LRATD1: variants seen among roughly 807,000 people sequenced by gnomAD.
LRATD1 encodes LRAT domain containing 1, also known as protein LRATD1.
Under a neutral mutation model 21.3 loss-of-function variants are expected in LRATD1, and 8 were observed. The observed-to-expected ratio is 0.38, with a 90% confidence interval of 0.22 to 0.68. The LOEUF is 0.68. Among genes scored for constraint, LRATD1 ranks in the 30% least tolerant of loss-of-function variants. The pLI is 0.54. For missense variants in LRATD1, 380 were observed against 404.0 expected (o/e 0.94, Z 0.51); for synonymous variants, 210 against 186.2 (o/e 1.13, Z -1.04).
intron 4 of LRATD1, chr2:14,649,273 C>T (rs567767953): frequency 2.2e-6 from 1 of 456,436 alleles, no homozygotes; most frequent in Admixed American, 2.4e-5. Flanking sequence ...TTCATTGGCA[C>T]TTTTATTAAA....
At chr2:14,632,988 T>C (rs1671587134) in intron 1 of LRATD1, 51 bp downstream of exon 1, 1 of 152,484 alleles carries the variant, frequency 6.6e-6, no homozygotes, top group Admixed American at 6.5e-5. Flanking sequence ...CTTCATCCGA[T>C]TGTTTGGATC....
chr2:14,633,838 C>G lies in LRATD1; in HGVS notation c.-36-106C>G, dbSNP rs1013238497. 3 of 1,144,850 alleles carry G rather than the reference C, an allele frequency of 2.6e-6. No individual in the cohort carries two copies. Among genetic ancestry groups the G allele is most frequent in the Middle Eastern group, 3.0e-4 (1 of 3,368 alleles). The allele number at this position is 1,144,850 out of a possible 1,614,324, so 70.9% of individuals were successfully genotyped here. On this transcript the variant is annotated intron_variant, in intron 1 of 1. Transcript: ENST00000295092. The surrounding 1 kb of genome is among the most constrained non-coding windows in gnomAD (Gnocchi z 7.5). ...GGAAAGGGTGACTCCGGTGAGGGCACGTAAGCTAGCCGGCAGGTCCCAGGG... is the reference window on the plus strand; with the variant it reads ...GGAAAGGGTGACTCCGGTGAGGGCAGGTAAGCTAGCCGGCAGGTCCCAGGG...
chr2:14,635,260 C>T lies in LRATD1; in HGVS notation c.*402C>T. 2 of 509,048 alleles carry T rather than the reference C, an allele frequency of 3.9e-6. No homozygotes were observed. The highest frequency in any genetic ancestry group is 1.5e-5 in the South Asian group (1 of 64,884). The allele number at this position is 509,048 out of a possible 1,614,324, so 31.5% of individuals were successfully genotyped here. On this transcript the variant is annotated 3_prime_UTR_variant, in exon 2 of 2. Coordinates refer to ENST00000295092, the MANE Select transcript of LRATD1 (RefSeq NM_145175.4). Reference sequence around the variant, plus strand: ...ACCCTCTTCTCAAAAGGGACCATCACCGCCCCGAGCGTGCGCACACAGACC... The same window carrying T: ...ACCCTCTTCTCAAAAGGGACCATCATCGCCCCGAGCGTGCGCACACAGACC...
At chr2:14,647,806 G>C (rs1671921776) in intron 4 of LRATD1, among the ~76,000 whole-genome samples, 1 of 152,052 alleles carries the variant, frequency 6.6e-6, no homozygotes, top group Non-Finnish European at 1.5e-5. Context: ...AATGGACTAT[G>C]ACACTATTCT....
Position 14,633,050 on chromosome 2 carries a change from A to G in LRATD1, c.-37+113A>G, listed in dbSNP as rs978971317. The G allele has an allele frequency of 6.6e-6, 1 of 151,798 alleles. No homozygotes were observed. Among genetic ancestry groups the G allele is most frequent in the African/African-American group, 2.4e-5 (1 of 41,206 alleles). 9.4% of individuals were successfully genotyped at this position (151,798 alleles called of 1,614,324 possible). A position where few individuals can be genotyped will look rare whatever the true frequency, so the allele number is the denominator to read the frequency against. On this transcript the variant is annotated intron_variant, in intron 1 of 1. Coordinates refer to ENST00000295092, the MANE Select transcript of LRATD1 (RefSeq NM_145175.4). The surrounding 1 kb of genome is among the most constrained non-coding windows in gnomAD (Gnocchi z 7.5). ...CTTTGGGCTAAAAGTGAACCTCTCT[A>G]CACACACACGCTCCCACCCACACCC...
At position 14,636,715 on chromosome 2, in the gene LRATD1, T is replaced by C. The variant is rs899638132; in HGVS notation, c.*1857T>C. Reference sequence around the variant, plus strand: ...GCAAGCAATTGCATATTAACAGCTGTGATTTTGTTGGACAGCAAGTATTAT... The same window carrying C: ...GCAAGCAATTGCATATTAACAGCTGCGATTTTGTTGGACAGCAAGTATTAT... On this transcript the variant is annotated 3_prime_UTR_variant, in exon 2 of 2. Coordinates refer to ENST00000295092, the MANE Select transcript of LRATD1 (RefSeq NM_145175.4). 6.0e-6 allele frequency: 1 copy of C among 167,174 alleles called. No homozygotes were observed. Among genetic ancestry groups the C allele is most frequent in the Non-Finnish European group, 1.5e-5 (1 of 68,136 alleles). 10.4% of individuals were successfully genotyped at this position (167,174 alleles called of 1,614,324 possible).
chr2:14,642,991 T>G (rs1361762639), downstream of LRATD1, among the ~76,000 whole-genome samples: 1 of 152,174 alleles, frequency 6.6e-6, no homozygotes, highest in Non-Finnish European at 1.5e-5. Context: ...ATTTGGGATT[T>G]TAAACCACAA....
rs903649229 is a variant in LRATD1 at position 14,634,354 on chromosome 2, G to C, written c.375G>C (p.Leu125=). The C allele has an allele frequency of 3.8e-6, 6 of 1,577,776 alleles. No homozygotes were observed. The highest frequency in any genetic ancestry group is 5.2e-6 in the Non-Finnish European group (6 of 1,164,454). ...ALPALCEPGD[L]LELLWLQPAP... ...CAGCGCTCTGCGAACCCGGCGACCT[G>C]CTGGAGCTGCTGTGGCTGCAGCCCG... Residue 125 remains leucine, a synonymous_variant, in exon 2 of 2, where the codon CTG becomes CTC. Transcript: ENST00000295092.
Position 14,634,507 on chromosome 2 carries a change from G to A in LRATD1, c.528G>A (p.Arg176=), listed in dbSNP as rs1671635313. Residue 176 remains arginine, a synonymous_variant, in exon 2 of 2, where the codon CGG becomes CGA. Coordinates refer to ENST00000295092, the MANE Select transcript of LRATD1 (RefSeq NM_145175.4). ...AGGCGGGCGCGGCCAACGTGGGCCG[G>A]GTGGTGAATAGCTGGTACCGCTACC... ...LYEAGAANVG[R]VVNSWYRYRP... is the part of the protein sequence containing the mutation. 2.0e-6 allele frequency: 3 copies of A among 1,506,700 alleles called. No individual in the cohort carries two copies. Among genetic ancestry groups the A allele is most frequent in the African/African-American group, 2.8e-5 (2 of 71,442 alleles). 93.3% of individuals were successfully genotyped at this position (1,506,700 alleles called of 1,614,324 possible).
At chr2:14,649,203 A>AG (rs916158377) in intron 4 of LRATD1, 1 of 445,176 alleles carries the variant, frequency 2.2e-6, no homozygotes, top group Non-Finnish European at 4.5e-6. Flanking sequence ...GGGTTGGGGG[A>AG]GGGGGGATGT....
rs1160364279 is a variant in LRATD1, at chr2:14,635,568, C to T, written c.*710C>T. The T allele has an allele frequency of 2.1e-6, 1 of 471,040 alleles. No individual in the cohort carries two copies. The highest frequency in any genetic ancestry group is 4.4e-6 in the Non-Finnish European group (1 of 227,070). 29.2% of individuals were successfully genotyped at this position (471,040 alleles called of 1,614,324 possible). On this transcript the variant is annotated 3_prime_UTR_variant, in exon 2 of 2. Transcript: ENST00000295092. ...GGGAAGCGAACGCCACCCCCACCCG[C>T]CTTTGCCTGCGAGTCTCCCTCGCTG...
rs1469394934 is a variant in LRATD1, at chr2:14,634,251, G to A, written c.272G>A (p.Gly91Asp). 1.2e-6 allele frequency: 2 copies of A among 1,609,930 alleles called. No homozygotes were observed. The highest frequency in any genetic ancestry group is 1.3e-5 in the African/African-American group (1 of 75,070). The change falls in exon 2 of 2, where the codon GGC becomes GAC. Residue 91 changes from glycine (G) to aspartate (D), a missense_variant. By Grantham distance (94) the Gly-to-Asp change is moderately conservative. Transcript: ENST00000295092. ...LNETQFSAFR[G>D]QECIFSKVSG... ...GAGACTCAGTTTTCCGCCTTTCGGG[G>A]CCAGGAATGCATCTTTTCCAAAGTG...
chr2:14,649,482 G>A, intron 5 of LRATD1: 1 of 411,704 alleles, frequency 2.4e-6, no homozygotes, highest in South Asian at 1.7e-5. Context: ...CCTCTGCCTA[G>A]AAGCTCTGCC....
chr2:14,646,444 T>C (rs920069679), exon 4 of LRATD1: 1 of 152,172 alleles, frequency 6.6e-6, no homozygotes, highest in Non-Finnish European at 1.5e-5. Flanking sequence ...AAGGCGTCTG[T>C]GTCGGTAACC....
chr2:14,635,010 C>A lies in LRATD1; in HGVS notation c.*152C>A. ...GGCCCGGGCCCGGGCTGCACCCCCG[C>A]ATCCCCAAGCCAGCGGCAGGAAGTC... On this transcript the variant is annotated 3_prime_UTR_variant, in exon 2 of 2. Transcript: ENST00000295092. 9.3e-7 allele frequency: 1 copy of A among 1,078,960 alleles called. No homozygotes were observed. Among genetic ancestry groups the A allele is most frequent in the Non-Finnish European group, 1.4e-6 (1 of 732,282 alleles). 66.8% of individuals were successfully genotyped at this position (1,078,960 alleles called of 1,614,324 possible).
At position 14,634,821 on chromosome 2, in the gene LRATD1, T is replaced by C; in HGVS notation, c.842T>C (p.Leu281Pro). The C allele has an allele frequency of 1.2e-6, 2 of 1,609,672 alleles. No homozygotes were observed. The highest frequency in any genetic ancestry group is 8.5e-7 in the Non-Finnish European group (1 of 1,177,414). Reference sequence around the variant, plus strand: ...GACGCCAGCGGCCGCCTGCGAGTGCTCCAGGAGCTCGCCGACCTCGTGGAC... The same window carrying C: ...GACGCCAGCGGCCGCCTGCGAGTGCCCCAGGAGCTCGCCGACCTCGTGGAC... ...RIDASGRLRV[L>P]QELADLVDDK... The change falls in exon 2 of 2, where the codon CTC becomes CCC. Residue 281 changes from leucine to proline, a missense_variant. Physicochemically the swap from Leu to Pro is moderately conservative, Grantham distance 98. Coordinates refer to ENST00000295092, the MANE Select transcript of LRATD1 (RefSeq NM_145175.4).
At chr2:14,648,654 T>C (rs1438268537) in intron 4 of LRATD1, among the ~76,000 whole-genome samples, 1 of 152,130 alleles carries the variant, frequency 6.6e-6, no homozygotes, top group Non-Finnish European at 1.5e-5. Context: ...GCCAAAATGG[T>C]AGAATTGTGA....
At chr2:14,644,440 A>T (rs921075657), downstream of LRATD1, among the ~76,000 whole-genome samples, 1 of 152,106 alleles carries the variant, frequency 6.6e-6, no homozygotes, top group Non-Finnish European at 1.5e-5. Flanking sequence ...CTGTCATTGT[A>T]TATTAAATAC....
chr2:14,633,214 C>T lies in LRATD1; in HGVS notation c.-37+277C>T, dbSNP rs1465553679. 6.6e-6 allele frequency among the ~76,000 whole-genome samples: 1 copy of T among 152,196 alleles called. No homozygotes were observed. The highest frequency in any genetic ancestry group is 2.4e-5 in the African/African-American group (1 of 41,460). On this transcript the variant is annotated intron_variant, in intron 1 of 1. Coordinates refer to ENST00000295092, the MANE Select transcript of LRATD1 (RefSeq NM_145175.4). The surrounding 1 kb of genome is among the most constrained non-coding windows in gnomAD (Gnocchi z 7.5). ...CAAGAGAAGTAAGGGGCAGAGTGCACCTGCCTGTGAGGGCAGGTGTGCCCG... is the reference window on the plus strand; with the variant it reads ...CAAGAGAAGTAAGGGGCAGAGTGCATCTGCCTGTGAGGGCAGGTGTGCCCG...
Sources: allele counts gnomAD v4.1 joint callset (sites outside exome capture counted in the v4.1 genomes callset), GRCh38; gene constraint gnomAD v4.1.1; non-coding constraint Gnocchi (gnomAD v3.1); transcripts MANE v1.5; gene names NCBI Gene and HGNC (gene_info 2026-07-23, HGNC 2026-07-21).